Variants in UNC5C observed in about 807,000 individuals in gnomAD.
The protein encoded by UNC5C is unc-5 netrin receptor C.
A neutral mutation model predicts 99.8 loss-of-function variants in UNC5C; 47 were observed. That is an observed-to-expected ratio of 0.47 (90% CI 0.37 to 0.60). The LOEUF is 0.60. UNC5C is among the 20% of genes least tolerant of loss of function. The probability of loss-of-function intolerance (pLI) is 0.00; values close to 1 mark genes in which losing one functional copy is unlikely to be tolerated. For missense variants in UNC5C, 1,062 were observed against 1,165.9 expected, an observed-to-expected ratio of 0.91 and a Z score of 1.30; for synonymous variants, 487 against 452.2, an observed-to-expected ratio of 1.08 and a Z score of -0.98.
intron 3 of UNC5C, among the ~76,000 whole-genome samples, chr4:95,292,436 A>G (rs915742973): frequency 2.0e-5 from 3 of 151,912 alleles, no homozygotes; most frequent in Admixed American, 6.6e-5. Flanking sequence ...TTAAATACAG[A>G]AATGTCAATT....
Position 95,489,231 on chromosome 4 carries a change from G to T in UNC5C, c.124+59503C>A, listed in dbSNP as rs575545380. Among the ~76,000 whole-genome samples the T allele has an allele frequency of 4.0e-5, 6 of 151,728 alleles. No homozygotes were observed. In the East Asian group the frequency reaches 1.2e-3, roughly 30 times the overall value. The stretch of plus-strand genomic sequence containing the variant: ...ATAGGGTGACACAAAACAAATGCCT[G>T]TAAGAAAGGACATGTTCAATTTCTG... On this transcript the variant is annotated intron_variant, in intron 1 of 15. Transcript: ENST00000453304.
chr4:95,203,094 A>C (rs1440494571), intron 11 of UNC5C, 130 bp from the exon 12 acceptor site: 1 of 732,462 alleles, frequency 1.4e-6, no homozygotes, highest in Non-Finnish European at 2.3e-6. Flanking sequence ...CAGAGTTTAT[A>C]ATCTGTCTAC....
Position 95,446,786 on chromosome 4 carries a change from T to TA in UNC5C, c.124+101947dup, listed in dbSNP as rs1343416513. On this transcript the variant is annotated intron_variant, in intron 1 of 15. Coordinates refer to ENST00000453304, the MANE Select transcript of UNC5C (RefSeq NM_003728.4). ...GAATTTTACTCAATATAAATTTCTT[T>TA]AAAAAAATCCGTTCATTTTCTGCGA... 5.3e-5 allele frequency among the ~76,000 whole-genome samples: 8 copies of TA among 151,068 alleles called. No homozygotes were observed. The East Asian group carries it at 1.2e-3, about 22-fold the overall frequency.
intron 1 of UNC5C, among the ~76,000 whole-genome samples, chr4:95,356,295 TCTCC>T (rs1326374894): frequency 2.6e-5 from 4 of 151,824 alleles, no homozygotes; most frequent in African/African-American, 9.7e-5. Flanking sequence ...ATCTTAGTTC[TCTCC>T]CTATTAAAAT....
intron 1 of UNC5C, 152 bp downstream of exon 1, chr4:95,548,582 T>C: frequency 1.5e-6 from 1 of 667,314 alleles, no homozygotes; most frequent in East Asian, 3.2e-5. Context: ...AATCAAAGCT[T>C]CTTGACTAGT....
intron 1 of UNC5C, among the ~76,000 whole-genome samples, chr4:95,513,072 G>A (rs796722672): frequency 8.5e-5 from 13 of 152,264 alleles, no homozygotes; most frequent in African/African-American, 2.9e-4. Flanking sequence ...GACAAATCTA[G>A]GTCTCGTCAT....
chr4:95,171,966 G>C lies in UNC5C; in HGVS notation c.2452-1634C>G, dbSNP rs1049347552. Among the ~76,000 whole-genome samples the C allele has an allele frequency of 6.2e-3, 943 of 150,898 alleles. 14 individuals are homozygous for C. The highest frequency in any genetic ancestry group is 0.021 in the African/African-American group (858 of 41,006). On this transcript the variant is annotated intron_variant, in intron 14 of 15. Transcript: ENST00000453304. ...TGAGATGGTATCTCATTGTGGTTTT[G>C]ATTTGCATTTCTCTGATGGCCAGTG...
intron 7 of UNC5C, among the ~76,000 whole-genome samples, chr4:95,235,765 G>A (rs993659294): frequency 6.6e-6 from 1 of 152,076 alleles, no homozygotes; most frequent in African/African-American, 2.4e-5. Flanking sequence ...TCTTGTTTTT[G>A]AGTGGGCAAA....
chr4:95,173,607 G>A (rs1171496398), intron 14 of UNC5C, among the ~76,000 whole-genome samples: 1 of 140,924 alleles, frequency 7.1e-6, no homozygotes, highest in African/African-American at 2.6e-5. Flanking sequence ...GATCATGGTG[G>A]ATAAGCTTTT....
At chr4:95,291,470 A>G (rs1435389350) in intron 3 of UNC5C, among the ~76,000 whole-genome samples, 1 of 152,206 alleles carries the variant, frequency 6.6e-6, no homozygotes, top group African/African-American at 2.4e-5. Flanking sequence ...CCAGTGTGTT[A>G]CCAGCCCTGC....
At chr4:95,449,413 A>G (rs1010009367) in intron 1 of UNC5C, among the ~76,000 whole-genome samples, 10 of 152,224 alleles carry the variant, frequency 6.6e-5, no homozygotes, top group Admixed American at 5.9e-4. Flanking sequence ...TCAATGAAAA[A>G]TAATTCTAAA....
At chr4:95,441,217 T>G (rs1169184285) in intron 1 of UNC5C, among the ~76,000 whole-genome samples, 1 of 152,216 alleles carries the variant, frequency 6.6e-6, no homozygotes, top group East Asian at 1.9e-4. Flanking sequence ...GCCACCAGAC[T>G]TCTGCTTTTG....
intron 1 of UNC5C, among the ~76,000 whole-genome samples, chr4:95,523,506 C>T (rs1299555138): frequency 2.0e-5 from 3 of 152,038 alleles, no homozygotes; most frequent in Non-Finnish European, 4.4e-5. Context: ...TGGAATGAAA[C>T]GTGTCTATGC....
chr4:95,431,639 C>G (rs1746639338), intron 1 of UNC5C, among the ~76,000 whole-genome samples: 1 of 151,986 alleles, frequency 6.6e-6, no homozygotes, highest in Non-Finnish European at 1.5e-5. Flanking sequence ...TTTTCCTTTT[C>G]TAGTCTAAAA....
chr4:95,293,174 G>A (rs924737888), intron 3 of UNC5C, among the ~76,000 whole-genome samples: 9 of 151,908 alleles, frequency 5.9e-5, no homozygotes, highest in Non-Finnish European at 8.8e-5. Flanking sequence ...GCCTATATGT[G>A]GAATGAATCT....
At chr4:95,192,644 C>T (rs773725791) in intron 12 of UNC5C, among the ~76,000 whole-genome samples, 14 of 150,368 alleles carry the variant, frequency 9.3e-5, no homozygotes, top group Non-Finnish European at 1.8e-4. Context: ...CTCCTGCTCA[C>T]CTCTTCTGCT....
At chr4:95,305,685 G>A (rs1183817826) in intron 2 of UNC5C, among the ~76,000 whole-genome samples, 2 of 152,184 alleles carry the variant, frequency 1.3e-5, no homozygotes, top group African/African-American at 4.8e-5. Context: ...GCTGTTTGAA[G>A]TTTGCAGTGA....
At chr4:95,474,624 T>C (rs917352906) in intron 1 of UNC5C, among the ~76,000 whole-genome samples, 1 of 152,100 alleles carries the variant, frequency 6.6e-6, no homozygotes, top group Non-Finnish European at 1.5e-5. Flanking sequence ...CTGACTAACT[T>C]GTTAAAAACT....
intron 1 of UNC5C, among the ~76,000 whole-genome samples, chr4:95,427,977 A>G (rs921136658): frequency 6.6e-6 from 1 of 152,084 alleles, no homozygotes; most frequent in African/African-American, 2.4e-5. Context: ...AGCTATTTGA[A>G]ATTTGTATTC....
Sources: allele counts gnomAD v4.1 joint callset (sites outside exome capture counted in the v4.1 genomes callset), GRCh38; gene constraint gnomAD v4.1.1; transcripts MANE v1.5; gene names NCBI Gene and HGNC (gene_info 2026-07-23, HGNC 2026-07-21).